The following PHEX variants were observed in gnomAD, a reference collection of about 807,000 sequenced individuals.
The protein encoded by PHEX is phosphate regulating endopeptidase X-linked.
In PHEX, 16 loss-of-function variants were observed where a neutral mutation model predicts 68.0. The observed-to-expected ratio is 0.24, with a 90% confidence interval of 0.16 to 0.36. PHEX has a LOEUF of 0.36. Among genes scored for constraint, PHEX ranks in the 10% least tolerant of loss-of-function variants. PHEX has a pLI of 1.00. For missense variants in PHEX, 480 were observed against 575.5 expected (o/e 0.83, Z 1.70); for synonymous variants, 208 against 205.1 (o/e 1.01, Z -0.12).
At chrX:22,101,037 G>A (rs372740441) in intron 9 of PHEX, among the ~76,000 whole-genome samples, 33 of 111,011 alleles carry the variant, frequency 3.0e-4, no homozygotes, top group African/African-American at 3.9e-4. Context: ...TTAGCTGGGC[G>A]TGGTGGCTGG....
chrX:22,220,868 T>C (rs1365261051), intron 17 of PHEX, among the ~76,000 whole-genome samples: 2 of 112,377 alleles, frequency 1.8e-5, no homozygotes, highest in Non-Finnish European at 1.9e-5. Context: ...CTGATTCTCA[T>C]AGTAACCCTG....
At chrX:22,223,787 A>AT (rs1011277907) in intron 18 of PHEX, among the ~76,000 whole-genome samples, 17 of 112,733 alleles carry the variant, frequency 1.5e-4, no homozygotes, top group Non-Finnish European at 5.6e-5. Flanking sequence ...AGGAGATTAA[A>AT]TTTTTTAAGC....
chrX:22,126,147 A>G (rs1245952648), intron 11 of PHEX, among the ~76,000 whole-genome samples: 3 of 112,482 alleles, frequency 2.7e-5, no homozygotes, highest in Non-Finnish European at 5.6e-5. Context: ...AAAATTTTAA[A>G]TTAGCAGAAT....
At position 22,211,464 on chromosome X, in the gene PHEX, A is replaced by G. The variant is rs1473104781; in HGVS notation, c.1646-1440A>G. Among the ~76,000 whole-genome samples the G allele has an allele frequency of 8.9e-5, 10 of 112,562 alleles. No homozygotes were observed. In the South Asian group the frequency reaches 2.9e-3, roughly 33 times the overall value. On this transcript the variant is annotated intron_variant, in intron 15 of 21. Transcript: ENST00000379374. Reference sequence around the variant, plus strand: ...TGCAATGTCAGTTTTAAATGCAAACATAAGAGCATTTAACTTGGATGTGGA... The same window carrying G: ...TGCAATGTCAGTTTTAAATGCAAACGTAAGAGCATTTAACTTGGATGTGGA...
intron 7 of PHEX, among the ~76,000 whole-genome samples, chrX:22,095,552 C>T (rs1395814039): frequency 8.9e-6 from 1 of 111,997 alleles, no homozygotes. Flanking sequence ...CTGTGAGACT[C>T]CGAGGGCGGA....
intron 16 of PHEX, among the ~76,000 whole-genome samples, chrX:22,216,438 T>G (rs997595399): frequency 2.7e-5 from 3 of 111,904 alleles, no homozygotes; most frequent in African/African-American, 9.7e-5. Context: ...ATCTTCCAGT[T>G]TCTGGCCAGC....
At chrX:22,109,539 C>T (rs1181956635) in intron 9 of PHEX, among the ~76,000 whole-genome samples, 1 of 111,891 alleles carries the variant, frequency 8.9e-6, no homozygotes, top group Non-Finnish European at 1.9e-5. Context: ...CGCATGTCCA[C>T]TGTGTCAGAA....
At chrX:22,165,286 T>C (rs1352949296) in intron 12 of PHEX, among the ~76,000 whole-genome samples, 2 of 111,592 alleles carry the variant, frequency 1.8e-5, no homozygotes, top group Admixed American at 9.5e-5. Flanking sequence ...TGTAAGTGAT[T>C]CATTAAACAA....
chrX:22,137,280 G>T (rs935605188), intron 12 of PHEX, among the ~76,000 whole-genome samples: 1 of 111,636 alleles, frequency 9.0e-6, no homozygotes, highest in Admixed American at 9.5e-5. Context: ...TTGTTTGTTT[G>T]TGCTCTTTGC....
chrX:22,113,947 T>C (rs1177333156), intron 10 of PHEX, among the ~76,000 whole-genome samples: 1 of 93,758 alleles, frequency 1.1e-5, no homozygotes, highest in Non-Finnish European at 2.1e-5. Flanking sequence ...CTTCTTCTTT[T>C]TTTTTTTTTT....
At chrX:22,061,367 T>G (rs771874645) in intron 3 of PHEX, among the ~76,000 whole-genome samples, 103 of 111,681 alleles carry the variant, frequency 9.2e-4, no homozygotes, top group Middle Eastern at 4.6e-3. Flanking sequence ...CCCCCAATTC[T>G]GAGAACTTTT....
At chrX:22,200,122 C>G (rs1156908034) in intron 15 of PHEX, among the ~76,000 whole-genome samples, 1 of 112,200 alleles carries the variant, frequency 8.9e-6, no homozygotes, top group Non-Finnish European at 1.9e-5. Context: ...ATCTTCACAA[C>G]AGTTCTATAA....
At chrX:22,213,549 G>A (rs1002921136) in intron 16 of PHEX, among the ~76,000 whole-genome samples, 2 of 112,065 alleles carry the variant, frequency 1.8e-5, no homozygotes, top group Admixed American at 9.5e-5. Context: ...AAAATTGGTA[G>A]TGTATGGACT....
At chrX:22,155,755 T>A (rs950604614) in intron 12 of PHEX, among the ~76,000 whole-genome samples, 4 of 112,105 alleles carry the variant, frequency 3.6e-5, no homozygotes, top group Middle Eastern at 4.6e-3. Flanking sequence ...TATATTTCTA[T>A]CTTGATGAAA....
chrX:22,068,441 T>C (rs1928714936), intron 3 of PHEX, among the ~76,000 whole-genome samples: 1 of 112,160 alleles, frequency 8.9e-6, no homozygotes, highest in Admixed American at 9.5e-5. Flanking sequence ...GGGAATTCCA[T>C]GAGGGCATAG....
At chrX:22,224,993 G>GATTTAT in intron 18 of PHEX, among the ~76,000 whole-genome samples, 44 of 98,997 alleles carry the variant, frequency 4.4e-4, no homozygotes, top group South Asian at 9.6e-4. Context: ...AGCTCTGTAT[G>GATTTAT]TCAGAAGTCT....
At chrX:22,195,468 G>A (rs756591712) in intron 15 of PHEX, among the ~76,000 whole-genome samples, 3 of 109,872 alleles carry the variant, frequency 2.7e-5, no homozygotes, top group East Asian at 2.9e-4. Context: ...GGTGGCAGGC[G>A]CCTGTAATCC....
intron 20 of PHEX, among the ~76,000 whole-genome samples, chrX:22,245,071 C>A (rs1488454619): frequency 8.9e-6 from 1 of 111,916 alleles, no homozygotes; most frequent in Non-Finnish European, 1.9e-5. Flanking sequence ...GGCACATATA[C>A]GATTCTCTTG....
At chrX:22,138,601 CTTCCTTCCTT>C (rs1932329262) in intron 12 of PHEX, among the ~76,000 whole-genome samples, 1 of 112,114 alleles carries the variant, frequency 8.9e-6, no homozygotes, top group South Asian at 3.7e-4. Context: ...AAGTCTTCCT[CTTCCTTCCTT>C]ACTAATCCCA....
Sources: allele counts gnomAD v4.1 joint callset (sites outside exome capture counted in the v4.1 genomes callset), GRCh38; gene constraint gnomAD v4.1.1; transcripts MANE v1.5; gene names NCBI Gene and HGNC (gene_info 2026-07-23, HGNC 2026-07-21).